The following AMN1 variants were observed in gnomAD, a reference collection of about 807,000 sequenced individuals.
The protein encoded by AMN1 is antagonist of mitotic exit network 1 homolog.
A neutral mutation model predicts 33.0 loss-of-function variants in AMN1; 20 were observed. The ratio of observed to expected loss-of-function variants is 0.61; its 90% confidence interval spans 0.43 to 0.88. AMN1 has a LOEUF of 0.88. Ranked by LOEUF, AMN1 falls within the 40% of genes least tolerant of loss-of-function variation. AMN1 has a pLI of 0.00. For missense variants in AMN1, 246 were observed against 307.4 expected (o/e 0.80, Z 1.49); for synonymous variants, 114 against 111.9 (o/e 1.02, Z -0.12).
In AMN1 at chr12:31,700,472, A is replaced by G. The variant is rs558680456; in HGVS notation, c.316+1391T>C. ...CTAACTCATGTAATAGTGACACTGA[A>G]CAATGCAGTTTGTCTAGCTATAAAA... On this transcript the variant is annotated intron_variant, in intron 3 of 6. Coordinates refer to ENST00000281471, the MANE Select transcript of AMN1 (RefSeq NM_001113402.2). 2.6e-5 allele frequency among the ~76,000 whole-genome samples: 4 copies of G among 152,342 alleles called. No individual in the cohort carries two copies. In the East Asian group the frequency reaches 7.7e-4, roughly 29 times the overall value.
intron 1 of AMN1, among the ~76,000 whole-genome samples, chr12:31,717,518 G>A (rs372141953): frequency 2.6e-5 from 4 of 152,264 alleles, no homozygotes; most frequent in Admixed American, 6.5e-5. Context: ...AAACACATTC[G>A]TTATGAAGAA....
intron 5 of AMN1, among the ~76,000 whole-genome samples, chr12:31,696,209 C>T (rs1205736704): frequency 6.6e-6 from 1 of 151,680 alleles, no homozygotes; most frequent in Non-Finnish European, 1.5e-5. Flanking sequence ...TGCACTCCAG[C>T]CTGGGCGACA....
intron 5 of AMN1, among the ~76,000 whole-genome samples, chr12:31,695,876 G>A (rs1389211479): frequency 2.0e-5 from 3 of 152,082 alleles, no homozygotes; most frequent in Non-Finnish European, 4.4e-5. Flanking sequence ...ATCTCTTTGG[G>A]CAATAACTCA....
intron 1 of AMN1, among the ~76,000 whole-genome samples, chr12:31,709,730 G>A (rs1939394998): frequency 6.6e-6 from 1 of 152,200 alleles, no homozygotes; most frequent in Admixed American, 6.5e-5. Context: ...TTGGGAGGCT[G>A]AGGTGGGAGG....
chr12:31,697,211 T>C (rs1196681226), intron 5 of AMN1, 150 bp downstream of exon 5: 1 of 504,366 alleles, frequency 2.0e-6, no homozygotes, highest in African/African-American at 2.0e-5. Context: ...AATTTTTATT[T>C]ACTCTGGCAA....
chr12:31,727,918 T>A (rs767092258), intron 1 of AMN1, among the ~76,000 whole-genome samples: 7 of 152,098 alleles, frequency 4.6e-5, no homozygotes, highest in Non-Finnish European at 7.4e-5. Context: ...TTTTAGTACA[T>A]GCCGCGGTTT....
rs1592170166 is a variant in AMN1 at position 31,710,127 on chromosome 12, T to C, written c.39-702A>G. On this transcript the variant is annotated intron_variant, in intron 1 of 6. Transcript: ENST00000281471. ...CTATTTTTCTTGAAAACTATGTGGA[T>C]AATGAAATCACTAGAGAAAGAACCA... Among the ~76,000 whole-genome samples the C allele has an allele frequency of 2.0e-5, 3 of 152,312 alleles. No individual in the cohort carries two copies. In the South Asian group the frequency reaches 6.2e-4, roughly 32 times the overall value.
chr12:31,715,325 G>T, intron 1 of AMN1: 1 of 214,002 alleles, frequency 4.7e-6, no homozygotes, highest in Admixed American at 4.3e-5. Context: ...GAGAAAGTCA[G>T]TTCTTAGAAC....
intron 6 of AMN1, among the ~76,000 whole-genome samples, chr12:31,688,797 C>A (rs1033082088): frequency 4.6e-5 from 7 of 151,798 alleles, no homozygotes; most frequent in Non-Finnish European, 1.0e-4. Flanking sequence ...GGTGACAGAG[C>A]AAGACTCCGT....
intron 1 of AMN1, among the ~76,000 whole-genome samples, chr12:31,723,349 T>C (rs996664604): frequency 6.6e-6 from 1 of 152,188 alleles, no homozygotes; most frequent in African/African-American, 2.4e-5. Context: ...AAGTGTGTTA[T>C]GTTTTTGGTT....
Position 31,687,293 on chromosome 12 carries a change from T to C in AMN1, c.703+1714A>G, listed in dbSNP as rs1162239339. The stretch of plus-strand genomic sequence containing the variant: ...CTATGGTTACAGCCTTGGTTAAGGC[T>C]GGCAACCTAAAAATAAAAAAGAGAA... On this transcript the variant is annotated intron_variant, in intron 6 of 6. Transcript: ENST00000281471. The surrounding 1 kb of genome is among the most constrained non-coding windows in gnomAD (Gnocchi z 4.1). Among the ~76,000 whole-genome samples, 3 of 152,222 alleles carry C rather than the reference T, an allele frequency of 2.0e-5. No homozygotes were observed. In the East Asian group the frequency reaches 5.8e-4, roughly 29 times the overall value.
chr12:31,679,620 C>T (rs1484498368), intron 6 of AMN1, among the ~76,000 whole-genome samples: 1 of 152,144 alleles, frequency 6.6e-6, no homozygotes, highest in Admixed American at 6.5e-5. Context: ...CGGCAGATTT[C>T]CTGTTGGATT....
chr12:31,725,787 C>T (rs555712086), intron 1 of AMN1, among the ~76,000 whole-genome samples: 7 of 152,324 alleles, frequency 4.6e-5, no homozygotes, highest in Admixed American at 1.3e-4. Flanking sequence ...GCTCCGCCTC[C>T]TGGGTTCAAG....
At chr12:31,718,888 TC>T (rs571703276) in intron 1 of AMN1, among the ~76,000 whole-genome samples, 2 of 152,310 alleles carry the variant, frequency 1.3e-5, no homozygotes, top group South Asian at 2.1e-4. Flanking sequence ...TACTCAAGCC[TC>T]AGCAATGGCA....
chr12:31,676,032 TG>T (rs1475723388), intron 6 of AMN1, among the ~76,000 whole-genome samples: 1 of 151,910 alleles, frequency 6.6e-6, no homozygotes, highest in Admixed American at 6.5e-5. Context: ...AAAAATCAAA[TG>T]TATTTCTATA....
At chr12:31,695,639 C>G (rs1252875468) in intron 5 of AMN1, among the ~76,000 whole-genome samples, 2 of 151,798 alleles carry the variant, frequency 1.3e-5, no homozygotes, top group Admixed American at 1.3e-4. Context: ...GTACCTGCCA[C>G]CATGCCCAGC....
intron 6 of AMN1, among the ~76,000 whole-genome samples, chr12:31,681,151 T>C (rs1386126226): frequency 6.6e-6 from 1 of 152,218 alleles, no homozygotes; most frequent in Non-Finnish European, 1.5e-5. Context: ...CCATTTTATA[T>C]GAACTATTTA....
intron 6 of AMN1, among the ~76,000 whole-genome samples, chr12:31,674,619 T>C (rs150660358): frequency 3.6e-4 from 55 of 152,296 alleles, no homozygotes; most frequent in African/African-American, 1.2e-3. Context: ...TTTTGGGCAT[T>C]AGAACGTGGA....
chr12:31,681,914 C>T (rs192830039), intron 6 of AMN1, among the ~76,000 whole-genome samples: 219 of 151,880 alleles, frequency 1.4e-3, no homozygotes, highest in African/African-American at 5.0e-3. Flanking sequence ...TGCATTCAAG[C>T]GATCCACCCA....
Sources: allele counts gnomAD v4.1 joint callset (sites outside exome capture counted in the v4.1 genomes callset), GRCh38; gene constraint gnomAD v4.1.1; non-coding constraint Gnocchi (gnomAD v3.1); transcripts MANE v1.5; gene names NCBI Gene and HGNC (gene_info 2026-07-23, HGNC 2026-07-21).